TMEM135: variants seen among roughly 807,000 people sequenced by gnomAD.
The protein encoded by TMEM135 is transmembrane protein 135.
A neutral mutation model predicts 60.3 loss-of-function variants in TMEM135; 30 were observed. The ratio of observed to expected loss-of-function variants is 0.50; its 90% CI spans 0.37 to 0.68. The LOEUF is 0.68. Ranked by LOEUF, TMEM135 falls within the 30% of genes least tolerant of loss-of-function variation. The pLI, the probability that TMEM135 is intolerant of heterozygous loss-of-function variation, is 0.00. For missense variants in TMEM135, 468 were observed against 548.8 expected (o/e 0.85, Z 1.47); for synonymous variants, 190 against 186.7 (o/e 1.02, Z -0.14).
At chr11:87,159,724 T>C (rs891844784) in intron 5 of TMEM135, among the ~76,000 whole-genome samples, 6 of 151,852 alleles carry the variant, frequency 4.0e-5, no homozygotes, top group Non-Finnish European at 1.5e-5. Flanking sequence ...CTATCAATAA[T>C]TGGAAAAAGG....
intron 3 of TMEM135, among the ~76,000 whole-genome samples, chr11:87,088,412 A>C (rs1231577288): frequency 6.6e-6 from 1 of 152,226 alleles, no homozygotes; most frequent in Non-Finnish European, 1.5e-5. Context: ...GAATACTCAC[A>C]AAGTTTCCAA....
intron 5 of TMEM135, among the ~76,000 whole-genome samples, chr11:87,201,448 G>A (rs647371): frequency 0.13 from 20,012 of 152,130 alleles, 1,375 homozygotes; most frequent in Non-Finnish European, 0.15. Flanking sequence ...CGTAGATGCA[G>A]TTTAAATTTC....
rs186608779 is a variant in TMEM135 at position 87,328,103 on chromosome 11, C to G, written c.*6770C>G. 44 of 454,074 alleles carry G rather than the reference C, an allele frequency of 9.7e-5. No homozygotes were observed. The highest frequency in any genetic ancestry group is 8.4e-4 in the African/African-American group (42 of 50,116). 28.1% of individuals were successfully genotyped at this position (454,074 alleles called of 1,614,324 possible). ...GATGCCTAAAATTAACCATCACAGG[C>G]TTTATGGCTCTATTACCCAAGAATT... On this transcript the variant is annotated 3_prime_UTR_variant, in exon 15 of 15. Coordinates refer to ENST00000305494, the MANE Select transcript of TMEM135 (RefSeq NM_022918.4).
At chr11:87,124,676 A>G (rs780516767) in intron 4 of TMEM135, among the ~76,000 whole-genome samples, 56 of 152,140 alleles carry the variant, frequency 3.7e-4, no homozygotes, top group Non-Finnish European at 5.6e-4. Flanking sequence ...ATAAATCTGA[A>G]TTTGGAAATC....
chr11:87,268,142 CTCCTTTCCTTTATTTCCTT>C (rs1425548603), intron 6 of TMEM135, among the ~76,000 whole-genome samples: 2 of 96,290 alleles, frequency 2.1e-5, no homozygotes, highest in African/African-American at 6.9e-5. Flanking sequence ...TCCCTTCCCT[CTCCTTTCCTTTATTTCCTT>C]TCCTTTCCTT....
intron 5 of TMEM135, among the ~76,000 whole-genome samples, chr11:87,212,993 A>C (rs1288908797): frequency 6.6e-6 from 1 of 152,162 alleles, no homozygotes; most frequent in South Asian, 2.1e-4. Flanking sequence ...CATAATAGTC[A>C]TACTTTAACT....
chr11:87,108,959 T>G (rs536552061), intron 4 of TMEM135, among the ~76,000 whole-genome samples: 1 of 152,106 alleles, frequency 6.6e-6, no homozygotes. Flanking sequence ...TGGAAGAATG[T>G]CAAAATCATT....
At chr11:87,073,798 G>A (rs1461590458) in intron 3 of TMEM135, among the ~76,000 whole-genome samples, 1 of 151,870 alleles carries the variant, frequency 6.6e-6, no homozygotes, top group African/African-American at 2.4e-5. Context: ...TTCCCATGTA[G>A]CTGGGATTAC....
At chr11:87,272,885 C>T (rs764103002) in intron 6 of TMEM135, among the ~76,000 whole-genome samples, 7 of 152,050 alleles carry the variant, frequency 4.6e-5, no homozygotes, top group African/African-American at 9.7e-5. Flanking sequence ...GTAGAGCTCT[C>T]GGAAAGTTCT....
chr11:87,328,141 G>C lies in TMEM135; in HGVS notation c.*6808G>C. 2.2e-6 allele frequency: 1 copy of C among 454,040 alleles called. No homozygotes were observed. Among genetic ancestry groups the C allele is most frequent in the South Asian group, 1.6e-5 (1 of 64,470 alleles). 28.1% of individuals were successfully genotyped at this position (454,040 alleles called of 1,614,324 possible). On this transcript the variant is annotated 3_prime_UTR_variant, in exon 15 of 15. Coordinates refer to ENST00000305494, the MANE Select transcript of TMEM135 (RefSeq NM_022918.4). ...TTACCCAAGAATTCTGTTACTTTCA[G>C]CTGAAAACATTTCTAATGGACATAT...
intron 13 of TMEM135, 137 bp downstream of exon 13, chr11:87,318,372 GT>G (rs151135088): frequency 3.9e-5 from 26 of 658,518 alleles, no homozygotes; most frequent in African/African-American, 1.5e-4. Context: ...GTTTTGTTTT[GT>G]TTTTTTTTCA....
intron 5 of TMEM135, among the ~76,000 whole-genome samples, chr11:87,215,491 G>A (rs1237424937): frequency 1.3e-5 from 2 of 152,188 alleles, no homozygotes; most frequent in African/African-American, 2.4e-5. Context: ...TGTTAAGTTG[G>A]TCATCGGCTT....
At chr11:87,183,790 T>A (rs1172344350) in intron 5 of TMEM135, among the ~76,000 whole-genome samples, 1 of 151,656 alleles carries the variant, frequency 6.6e-6, no homozygotes, top group Non-Finnish European at 1.5e-5. Context: ...ACGCCATCTC[T>A]ACTAAAAATA....
At chr11:87,216,285 T>C (rs956810390) in intron 5 of TMEM135, among the ~76,000 whole-genome samples, 1 of 151,996 alleles carries the variant, frequency 6.6e-6, no homozygotes, top group Admixed American at 6.6e-5. Context: ...ACCTTGAGAG[T>C]AGACCTAAGA....
At chr11:87,140,537 A>G (rs1938233644) in intron 4 of TMEM135, among the ~76,000 whole-genome samples, 1 of 152,202 alleles carries the variant, frequency 6.6e-6, no homozygotes, top group Admixed American at 6.5e-5. Context: ...CCCTGGTACA[A>G]GGAGAGGGAA....
At chr11:87,206,488 G>C (rs1314418562) in intron 5 of TMEM135, among the ~76,000 whole-genome samples, 1 of 151,766 alleles carries the variant, frequency 6.6e-6, no homozygotes, top group African/African-American at 2.4e-5. Context: ...TAATTGTTCA[G>C]AGTTGAACAT....
rs12282551 is a variant in TMEM135, at chr11:87,326,638, A to T, written c.*5305A>T. 2.2e-6 allele frequency: 1 copy of T among 453,716 alleles called. No homozygotes were observed. Among genetic ancestry groups the T allele is most frequent in the Non-Finnish European group, 4.4e-6 (1 of 226,750 alleles). The allele number at this position is 453,716 out of a possible 1,614,324, so 28.1% of individuals were successfully genotyped here. A position where few individuals can be genotyped will look rare whatever the true frequency, so the allele number is the denominator to read the frequency against. On this transcript the variant is annotated 3_prime_UTR_variant, in exon 15 of 15. Transcript: ENST00000305494. The stretch of plus-strand genomic sequence containing the variant: ...TTCTTTTCTTTACCTTTCCTGGCCC[A>T]TGCTTTCCTGCCATATCTTTGCTAT...
chr11:87,227,024 G>A (rs1940779983), intron 5 of TMEM135, among the ~76,000 whole-genome samples: 1 of 152,074 alleles, frequency 6.6e-6, no homozygotes, highest in African/African-American at 2.4e-5. Flanking sequence ...ACTCCAGCCT[G>A]GGCAATAGAG....
intron 6 of TMEM135, among the ~76,000 whole-genome samples, chr11:87,282,484 C>T (rs1942078527): frequency 6.6e-6 from 1 of 152,144 alleles, no homozygotes; most frequent in South Asian, 2.1e-4. Context: ...AGGCTGGTCT[C>T]GAACTCCTGA....
Sources: allele counts gnomAD v4.1 joint callset (sites outside exome capture counted in the v4.1 genomes callset), GRCh38; gene constraint gnomAD v4.1.1; transcripts MANE v1.5; gene names NCBI Gene and HGNC (gene_info 2026-07-23, HGNC 2026-07-21).